The following CNTNAP2 variants were observed in gnomAD, a reference collection of about 807,000 sequenced individuals.
CNTNAP2 encodes the protein contactin-associated protein-like 2.
A neutral mutation model predicts 155.2 loss-of-function variants in CNTNAP2; 98 were observed. The ratio of observed to expected loss-of-function variants is 0.63; its 90% confidence interval spans 0.54 to 0.75. CNTNAP2 has a LOEUF of 0.75. CNTNAP2 is among the 30% of genes least tolerant of loss of function. The pLI, the probability that CNTNAP2 is intolerant of heterozygous loss-of-function variation, is 0.00. For missense variants in CNTNAP2, 1,727 were observed against 1,688.1 expected, an observed-to-expected ratio of 1.02 and a Z score of -0.40; for synonymous variants, 651 against 631.2, an observed-to-expected ratio of 1.03 and a Z score of -0.47.
At chr7:146,760,495 A>T (rs1464039137) in intron 1 of CNTNAP2, among the ~76,000 whole-genome samples, 1 of 129,000 alleles carries the variant, frequency 7.8e-6, no homozygotes. Context: ...CATAATCTCG[A>T]CTCATTACAA....
At chr7:146,724,763 G>A (rs6955295) in intron 1 of CNTNAP2, among the ~76,000 whole-genome samples, 6,246 of 151,666 alleles carry the variant, frequency 0.041, 168 homozygotes, top group East Asian at 0.12. Context: ...TAGCGACAGC[G>A]TTTCACTGTG....
At chr7:146,945,097 G>C (rs1797135417) in intron 3 of CNTNAP2, among the ~76,000 whole-genome samples, 1 of 152,012 alleles carries the variant, frequency 6.6e-6, no homozygotes. Flanking sequence ...ACTGACATTT[G>C]AAAAAAGCCT....
chr7:146,921,805 G>C (rs538117976), intron 3 of CNTNAP2, among the ~76,000 whole-genome samples: 1 of 152,212 alleles, frequency 6.6e-6, no homozygotes, highest in Non-Finnish European at 1.5e-5. Flanking sequence ...GGGAAATAAT[G>C]AGATCAGGTA....
At chr7:147,726,926 G>A (rs1468251070) in intron 13 of CNTNAP2, among the ~76,000 whole-genome samples, 1 of 151,896 alleles carries the variant, frequency 6.6e-6, no homozygotes, top group Non-Finnish European at 1.5e-5. Flanking sequence ...TGGGAAATGG[G>A]TTAAACCAAA....
At chr7:146,587,127 C>T (rs986577476) in intron 1 of CNTNAP2, among the ~76,000 whole-genome samples, 9 of 151,910 alleles carry the variant, frequency 5.9e-5, no homozygotes, top group Non-Finnish European at 1.0e-4. Flanking sequence ...TTGCTTTCTG[C>T]TGCCACCAGA....
chr7:147,802,254 G>T (rs897054621), intron 13 of CNTNAP2, among the ~76,000 whole-genome samples: 1 of 150,240 alleles, frequency 6.7e-6, no homozygotes, highest in African/African-American at 2.5e-5. Flanking sequence ...TTCCCAGATG[G>T]GATGGCGGCC....
chr7:148,287,887 G>A (rs1460958434), intron 21 of CNTNAP2, among the ~76,000 whole-genome samples: 3 of 147,458 alleles, frequency 2.0e-5, no homozygotes, highest in Admixed American at 6.9e-5. Context: ...CACCTCCCGG[G>A]TTCAATTGAT....
chr7:146,371,294 T>C (rs1795230102), intron 1 of CNTNAP2, among the ~76,000 whole-genome samples: 1 of 151,900 alleles, frequency 6.6e-6, no homozygotes, highest in South Asian at 2.1e-4. Context: ...TCTTGTTCCA[T>C]GTGTATATTT....
Position 147,281,851 on chromosome 7 carries a change from A to G in CNTNAP2, c.1349-18290A>G, listed in dbSNP as rs182555017. The stretch of plus-strand genomic sequence containing the variant: ...ATCCACTCTTAGAGAATTGGTTTTC[A>G]CTGAATTGATCTAGAGACCCTTCCC... On this transcript the variant is annotated intron_variant, in intron 8 of 23. Transcript: ENST00000361727. Among the ~76,000 whole-genome samples, 275 of 151,864 alleles carry G rather than the reference A, an allele frequency of 1.8e-3. 3 individuals carry two copies. The highest frequency in any genetic ancestry group is 2.5e-4 in the Non-Finnish European group (17 of 67,848).
At chr7:146,707,978 T>C (rs939105813) in intron 1 of CNTNAP2, among the ~76,000 whole-genome samples, 1 of 152,200 alleles carries the variant, frequency 6.6e-6, no homozygotes, top group South Asian at 2.1e-4. Flanking sequence ...GCAACTGTGA[T>C]TTATGGTACC....
At chr7:146,357,302 G>A (rs1795013597) in intron 1 of CNTNAP2, among the ~76,000 whole-genome samples, 1 of 150,186 alleles carries the variant, frequency 6.7e-6, no homozygotes, top group Non-Finnish European at 1.5e-5. Flanking sequence ...GCATGAGTCA[G>A]TATTCCTTAA....
chr7:147,567,008 A>G (rs1800187924), intron 12 of CNTNAP2, among the ~76,000 whole-genome samples: 1 of 152,166 alleles, frequency 6.6e-6, no homozygotes, highest in Non-Finnish European at 1.5e-5. Context: ...GCATCCATGC[A>G]CACATATACA....
chr7:147,742,593 C>A (rs867473858), intron 13 of CNTNAP2, among the ~76,000 whole-genome samples: 1 of 152,198 alleles, frequency 6.6e-6, no homozygotes, highest in Non-Finnish European at 1.5e-5. Flanking sequence ...ATTCCCAGAA[C>A]ATACCTCCTA....
chr7:147,262,959 G>T (rs1804525404), intron 8 of CNTNAP2, among the ~76,000 whole-genome samples: 2 of 152,180 alleles, frequency 1.3e-5, no homozygotes, highest in Admixed American at 1.3e-4. Flanking sequence ...TGTGTATTTT[G>T]CTATGACAGC....
intron 1 of CNTNAP2, among the ~76,000 whole-genome samples, chr7:146,745,245 G>A (rs1436291774): frequency 6.6e-6 from 1 of 152,100 alleles, no homozygotes; most frequent in Non-Finnish European, 1.5e-5. Context: ...TCTAATGCTA[G>A]GCACCCAGAA....
At chr7:147,177,454 C>T (rs1802373166) in intron 8 of CNTNAP2, among the ~76,000 whole-genome samples, 1 of 151,870 alleles carries the variant, frequency 6.6e-6, no homozygotes, top group Non-Finnish European at 1.5e-5. Flanking sequence ...TTTCTGAGGC[C>T]TCCCCAGCCA....
intron 13 of CNTNAP2, among the ~76,000 whole-genome samples, chr7:147,779,699 C>T (rs12532724): frequency 0.011 from 1,668 of 152,238 alleles, 97 homozygotes; most frequent in Admixed American, 0.087. Context: ...TTGGAAAATA[C>T]TAGACTCAGG....
At chr7:146,160,266 C>A (rs1798197165) in intron 1 of CNTNAP2, among the ~76,000 whole-genome samples, 1 of 152,088 alleles carries the variant, frequency 6.6e-6, no homozygotes, top group African/African-American at 2.4e-5. Context: ...GACACCCTAA[C>A]ATCACAATTA....
intron 1 of CNTNAP2, among the ~76,000 whole-genome samples, chr7:146,257,871 G>A (rs113817460): frequency 0.042 from 6,298 of 151,072 alleles, 400 homozygotes; most frequent in African/African-American, 0.14. Flanking sequence ...CAATTGAGCC[G>A]CTTTGATTAT....
Sources: allele counts gnomAD v4.1 joint callset (sites outside exome capture counted in the v4.1 genomes callset), GRCh38; gene constraint gnomAD v4.1.1; transcripts MANE v1.5; gene names NCBI Gene and HGNC (gene_info 2026-07-23, HGNC 2026-07-21).